IPO11: variants seen among roughly 807,000 people sequenced by gnomAD.
IPO11 encodes importin-11.
In IPO11, 66 loss-of-function variants were observed where a neutral mutation model predicts 143.2. The ratio of observed to expected loss-of-function variants is 0.46; its 90% CI spans 0.38 to 0.57. The LOEUF (loss-of-function observed/expected upper bound fraction) is 0.57. Ranked by LOEUF, IPO11 falls within the 20% of genes least tolerant of loss-of-function variation. The pLI is 0.00. For missense variants in IPO11, 1,026 were observed against 1,141.0 expected, an observed-to-expected ratio of 0.90 and a Z score of 1.45; for synonymous variants, 385 against 377.8, an observed-to-expected ratio of 1.02 and a Z score of -0.22.
rs1389705251 is a variant in IPO11 at position 62,455,317 on chromosome 5, C to T, written c.516+3384C>T. ...GGCAGATCACCTGAGGTTGGGAGTT[C>T]GAGACCAGCCTGGGCAACATGGTGA... On this transcript the variant is annotated intron_variant, in intron 5 of 29. Transcript: ENST00000325324. Among the ~76,000 whole-genome samples, 6 of 152,194 alleles carry T rather than the reference C, an allele frequency of 3.9e-5. No homozygotes were observed. In the East Asian group the frequency reaches 7.7e-4, roughly 20 times the overall value.
At position 62,526,569 on chromosome 5, in the gene IPO11, A is replaced by G. The variant is rs572819322; in HGVS notation, c.2012+312A>G. 60 of 241,148 alleles carry G rather than the reference A, an allele frequency of 2.5e-4. 1 individual carries two copies. The South Asian group carries it at 3.7e-3, about 15-fold the overall frequency. 14.9% of individuals were successfully genotyped at this position (241,148 alleles called of 1,614,324 possible). A position where few individuals can be genotyped will look rare whatever the true frequency, so the allele number is the denominator to read the frequency against. On this transcript the variant is annotated intron_variant, in intron 21 of 29. Transcript: ENST00000325324. ...CTTACAATTTCCAGTCTGTTAAATG[A>G]GATGTTTGGGGGATATTGAGGTCCT...
At chr5:62,555,344 T>A (rs1002682342) in intron 26 of IPO11, among the ~76,000 whole-genome samples, 1 of 151,860 alleles carries the variant, frequency 6.6e-6, no homozygotes, top group Non-Finnish European at 1.5e-5. Flanking sequence ...AGACAGAGTC[T>A]CACTCCATCA....
chr5:62,424,306 A>T (rs928857772), intron 1 of IPO11, among the ~76,000 whole-genome samples: 1 of 151,662 alleles, frequency 6.6e-6, no homozygotes, highest in African/African-American at 2.4e-5. Context: ...CGCCCGGCTA[A>T]TTTTTTGTAT....
At chr5:62,485,194 A>C (rs560055575) in intron 11 of IPO11, among the ~76,000 whole-genome samples, 288 of 152,336 alleles carry the variant, frequency 1.9e-3, no homozygotes, top group African/African-American at 6.6e-3. Flanking sequence ...ATCGAAAATG[A>C]GAATGCTTAT....
At chr5:62,436,628 G>A (rs994836070) in intron 1 of IPO11, among the ~76,000 whole-genome samples, 17 of 152,176 alleles carry the variant, frequency 1.1e-4, no homozygotes, top group African/African-American at 3.4e-4. Flanking sequence ...ACATGGTATA[G>A]GATTAGATGA....
chr5:62,483,381 A>G, intron 10 of IPO11, 88 bp downstream of exon 10: 1 of 767,890 alleles, frequency 1.3e-6, no homozygotes, highest in African/African-American at 1.8e-5. Context: ...AAAAAATGTC[A>G]TTTTAGTCTG....
chr5:62,497,725 C>T (rs182020386), intron 16 of IPO11, among the ~76,000 whole-genome samples: 293 of 152,324 alleles, frequency 1.9e-3, no homozygotes, highest in Non-Finnish European at 2.7e-3. Context: ...ACCTTGGCCT[C>T]CCAAAGTGTT....
chr5:62,440,734 A>G lies in IPO11; in HGVS notation c.139-2249A>G, dbSNP rs572990301. Among the ~76,000 whole-genome samples, 581 of 151,760 alleles carry G rather than the reference A, an allele frequency of 3.8e-3. 3 individuals carry two copies. Among genetic ancestry groups the G allele is most frequent in the African/African-American group, 0.012 (513 of 41,498 alleles). On this transcript the variant is annotated intron_variant, in intron 2 of 29. Transcript: ENST00000325324. The stretch of plus-strand genomic sequence containing the variant: ...TCCTAGCACTTTGGGAGGCCAGGGC[A>G]GGTGGATCACCTGAGGTCAGGCGTT...
chr5:62,485,516 C>T (rs1363487294), intron 12 of IPO11, 54 bp downstream of exon 12: 1 of 1,334,342 alleles, frequency 7.5e-7, no homozygotes, highest in African/African-American at 1.5e-5. Flanking sequence ...CTTTCTAAAG[C>T]TCTTAGTAGA....
intron 5 of IPO11, among the ~76,000 whole-genome samples, chr5:62,464,143 GT>G (rs34056674): frequency 0.082 from 6,458 of 78,770 alleles, 66 homozygotes; most frequent in African/African-American, 0.11. Flanking sequence ...GTTTTTGGTG[GT>G]TTTTTTTTTT....
chr5:62,545,923 G>A (rs1349490392), intron 24 of IPO11, among the ~76,000 whole-genome samples: 3 of 152,162 alleles, frequency 2.0e-5, no homozygotes, highest in Non-Finnish European at 4.4e-5. Context: ...AGTTAGAATG[G>A]CAACCATTAA....
At position 62,595,384 on chromosome 5, in the gene IPO11, A is replaced by G. The variant is rs538965315; in HGVS notation, c.2678+3712A>G. Among the ~76,000 whole-genome samples the G allele has an allele frequency of 2.6e-5, 4 of 152,358 alleles. No homozygotes were observed. In the South Asian group the frequency reaches 6.2e-4, roughly 24 times the overall value. ...GAAAGGTGTTTACAGTTTGGGTGACATATGACATACACATGCATATATAAT... is the reference window on the plus strand; with the variant it reads ...GAAAGGTGTTTACAGTTTGGGTGACGTATGACATACACATGCATATATAAT... On this transcript the variant is annotated intron_variant, in intron 28 of 29. Coordinates refer to ENST00000325324, the MANE Select transcript of IPO11 (RefSeq NM_016338.5).
intron 29 of IPO11, among the ~76,000 whole-genome samples, chr5:62,607,307 G>T (rs1463111293): frequency 6.6e-6 from 1 of 152,062 alleles, no homozygotes; most frequent in African/African-American, 2.4e-5. Context: ...ATTTCATAAG[G>T]TTTTCTGGAA....
intron 5 of IPO11, among the ~76,000 whole-genome samples, chr5:62,459,309 T>C (rs947697600): frequency 6.6e-6 from 1 of 152,092 alleles, no homozygotes; most frequent in African/African-American, 2.4e-5. Context: ...TTAAAAAGCA[T>C]GTAAGTAACA....
chr5:62,418,974 C>A, intron 1 of IPO11: 3 of 1,536,308 alleles, frequency 2.0e-6, no homozygotes, highest in Non-Finnish European at 2.6e-6. Flanking sequence ...GGTCGTTAGG[C>A]AATTTTGTTG....
chr5:62,527,285 A>T (rs1447372733), intron 21 of IPO11, among the ~76,000 whole-genome samples: 1 of 152,224 alleles, frequency 6.6e-6, no homozygotes, highest in Non-Finnish European at 1.5e-5. Context: ...AACTTGTACT[A>T]GACAGGACCA....
chr5:62,627,366 A>G lies in IPO11; in HGVS notation c.*48A>G. On this transcript the variant is annotated 3_prime_UTR_variant, in exon 30 of 30. Coordinates refer to ENST00000325324, the MANE Select transcript of IPO11 (RefSeq NM_016338.5). ...TCCCCTTTCAGAAACAAGCTGAGTA[A>G]CCCAGCCTGCCGTTTGTATGTGAGA... is the stretch of plus-strand genomic sequence containing the variant. 6.4e-7 allele frequency: 1 copy of G among 1,566,552 alleles called. No homozygotes were observed. Among genetic ancestry groups the G allele is most frequent in the Non-Finnish European group, 8.7e-7 (1 of 1,147,608 alleles).
At chr5:62,569,672 G>T (rs1234411888) in intron 27 of IPO11, among the ~76,000 whole-genome samples, 1 of 152,158 alleles carries the variant, frequency 6.6e-6, no homozygotes, top group African/African-American at 2.4e-5. Context: ...CAGTCTTCAT[G>T]GGGTATATTG....
chr5:62,458,388 C>T (rs1745237481), intron 5 of IPO11, among the ~76,000 whole-genome samples: 2 of 151,966 alleles, frequency 1.3e-5, no homozygotes, highest in African/African-American at 2.4e-5. Flanking sequence ...GCAACTTCTA[C>T]CTGCCAGGTT....
Sources: allele counts gnomAD v4.1 joint callset (sites outside exome capture counted in the v4.1 genomes callset), GRCh38; gene constraint gnomAD v4.1.1; transcripts MANE v1.5; gene names NCBI Gene and HGNC (gene_info 2026-07-23, HGNC 2026-07-21).